PXDC1: variants seen among roughly 807,000 people sequenced by gnomAD.
PXDC1 encodes PX domain containing 1.
PXDC1 carries 13 observed loss-of-function variants against 24.4 expected under a neutral mutation model. The observed-to-expected ratio is 0.53, with a 90% CI of 0.35 to 0.85. The LOEUF (loss-of-function observed/expected upper bound fraction) is 0.85. Among genes scored for constraint, PXDC1 ranks in the 40% least tolerant of loss-of-function variants. The pLI is 0.01. For synonymous variants in PXDC1, 162 were observed against 124.9 expected (o/e 1.30, Z -1.98); for missense variants, 344 against 309.3 (o/e 1.11, Z -0.84).
chr6:3,744,574 G>A (rs1205004273), intron 1 of PXDC1, among the ~76,000 whole-genome samples: 1 of 152,242 alleles, frequency 6.6e-6, no homozygotes, highest in Admixed American at 6.5e-5. Context: ...GCTGAGACCA[G>A]AAAAGGACAA....
chr6:3,737,288 G>C lies in PXDC1; in HGVS notation c.349-92C>G. On this transcript the variant is annotated intron_variant, in intron 2 of 4. Transcript: ENST00000380283. The surrounding 1 kb of genome is among the most constrained non-coding windows in gnomAD (Gnocchi z 5.5). Reference sequence around the variant, plus strand: ...AGAGAGGGCCCCGCTCCTCCGCAGAGGCAGCCTGTGTGATGCAAACGCCCC... The same window carrying C: ...AGAGAGGGCCCCGCTCCTCCGCAGACGCAGCCTGTGTGATGCAAACGCCCC... 1 of 878,154 alleles carries C rather than the reference G, an allele frequency of 1.1e-6. No homozygotes were observed. The highest frequency in any genetic ancestry group is 1.9e-6 in the Non-Finnish European group (1 of 532,526). 54.4% of individuals were successfully genotyped at this position (878,154 alleles called of 1,614,324 possible).
chr6:3,750,354 G>A lies in PXDC1; in HGVS notation c.256+922C>T, dbSNP rs368118122. Among the ~76,000 whole-genome samples the A allele has an allele frequency of 9.2e-5, 14 of 152,322 alleles. No homozygotes were observed. The East Asian group carries it at 1.5e-3, about 17-fold the overall frequency. ...CACTGTCCCAATGTTCCGAGCTACAGGTGGTCACCCATGGAGGGGGGTGGG... is the reference window on the plus strand; with the variant it reads ...CACTGTCCCAATGTTCCGAGCTACAAGTGGTCACCCATGGAGGGGGGTGGG... On this transcript the variant is annotated intron_variant, in intron 1 of 4. Transcript: ENST00000380283.
intron 3 of PXDC1, among the ~76,000 whole-genome samples, chr6:3,730,142 C>A (rs1475344036): frequency 6.6e-6 from 1 of 152,144 alleles, no homozygotes; most frequent in Non-Finnish European, 1.5e-5. Flanking sequence ...TCAGGCCCGG[C>A]CCAGAGAGGG....
chr6:3,732,708 C>T (rs1365574373), intron 3 of PXDC1, among the ~76,000 whole-genome samples: 4 of 152,232 alleles, frequency 2.6e-5, no homozygotes, highest in South Asian at 2.1e-4. Context: ...GTCGCCGCGC[C>T]TGCTAGCGCC....
chr6:3,751,582 CCGCA>C lies in PXDC1; in HGVS notation c.-55_-52del. 2 of 1,448,054 alleles carry C rather than the reference CCGCA, an allele frequency of 1.4e-6. No individual in the cohort carries two copies. The highest frequency in any genetic ancestry group is 1.8e-6 in the Non-Finnish European group (2 of 1,105,004). The allele number at this position is 1,448,054 out of a possible 1,614,324, so 89.7% of individuals were successfully genotyped here. A position where few individuals can be genotyped will look rare whatever the true frequency, so the allele number is the denominator to read the frequency against. ...CTCCCCAGCCCCGCCGCCCGCCCGC[CCGCA>C]GGAGGCGCGCCCCGGCCGGGGTCGT... On this transcript the variant is annotated 5_prime_UTR_variant, in exon 1 of 5. Coordinates refer to ENST00000380283, the MANE Select transcript of PXDC1 (RefSeq NM_183373.4).
rs1226656365 is a variant in PXDC1, at chr6:3,725,109, A to C, written c.579-1373T>G. Among the ~76,000 whole-genome samples, 1 of 152,092 alleles carries C rather than the reference A, an allele frequency of 6.6e-6. No homozygotes were observed. The highest frequency in any genetic ancestry group is 2.4e-5 in the African/African-American group (1 of 41,418). On this transcript the variant is annotated intron_variant, in intron 4 of 4. Transcript: ENST00000380283. The surrounding 1 kb of genome is among the most constrained non-coding windows in gnomAD (Gnocchi z 4.8). ...TCTCCAACTTCATCCAGGGAATGAA[A>C]TCTCTTCCCCAGACCAGGGCTGGAT...
In PXDC1 at chr6:3,738,675, G is replaced by C. The variant is rs573868847; in HGVS notation, c.257-527C>G. ...AAGGAAAAAAGTCAGATCTCTGCCTGGACAAAACCAAAGTGGACACGACTC... is the reference window on the plus strand; with the variant it reads ...AAGGAAAAAAGTCAGATCTCTGCCTCGACAAAACCAAAGTGGACACGACTC... On this transcript the variant is annotated intron_variant, in intron 1 of 4. Transcript: ENST00000380283. 8.3e-5 allele frequency: 65 copies of C among 780,414 alleles called. No homozygotes were observed. The African/African-American group carries it at 1.1e-3, about 13-fold the overall frequency. The allele number at this position is 780,414 out of a possible 1,614,324, so 48.3% of individuals were successfully genotyped here.
chr6:3,751,171 C>A, intron 1 of PXDC1, 105 bp downstream of exon 1: 1 of 911,710 alleles, frequency 1.1e-6, no homozygotes, highest in Non-Finnish European at 1.5e-6. Flanking sequence ...CCAGGGCGGG[C>A]AGAAAGGAGA....
At chr6:3,729,853 C>T (rs1760156156) in intron 3 of PXDC1, among the ~76,000 whole-genome samples, 1 of 152,080 alleles carries the variant, frequency 6.6e-6, no homozygotes, top group Non-Finnish European at 1.5e-5. Flanking sequence ...TGGGTGGTGG[C>T]CTACAAGTTA....
At chr6:3,733,696 C>T (rs980518313) in intron 3 of PXDC1, among the ~76,000 whole-genome samples, 1 of 152,214 alleles carries the variant, frequency 6.6e-6, no homozygotes, top group Non-Finnish European at 1.5e-5. Context: ...GGCCCCCAGA[C>T]TTTGCACTGA....
In PXDC1 at chr6:3,738,129, T is replaced by G; in HGVS notation, c.276A>C (p.Glu92Asp). 2 of 1,614,026 alleles carry G rather than the reference T, an allele frequency of 1.2e-6. No individual in the cohort carries two copies. Among genetic ancestry groups the G allele is most frequent in the Non-Finnish European group, 1.7e-6 (2 of 1,179,906 alleles). The change falls in exon 2 of 5, where the codon GAA becomes GAC. Residue 92 changes from glutamate (E) to aspartate (D), a missense_variant. Transcript: ENST00000380283. The stretch of plus-strand genomic sequence containing the variant: ...TAAGCCTGGTCTCTATGTCGTGGGC[T>G]TCCTTTATGGCAACCAGTCCTAGAA... ...PLRQGLVAIK[E>D]AHDIETRLNE...
chr6:3,733,744 C>A (rs565377785), intron 3 of PXDC1, among the ~76,000 whole-genome samples: 17 of 152,294 alleles, frequency 1.1e-4, no homozygotes, highest in African/African-American at 3.4e-4. Flanking sequence ...TCCATGGTTA[C>A]GCAGCCCCAG....
In PXDC1 at chr6:3,737,627, A is replaced by G. The variant is rs1273976459; in HGVS notation, c.348+430T>C. 1.0e-6 allele frequency: 1 copy of G among 984,436 alleles called. No homozygotes were observed. 61.0% of individuals were successfully genotyped at this position (984,436 alleles called of 1,614,324 possible). On this transcript the variant is annotated intron_variant, in intron 2 of 4. Transcript: ENST00000380283. The surrounding 1 kb of genome is among the most constrained non-coding windows in gnomAD (Gnocchi z 5.5). ...AGCCCGCAGGCTTACATGGAAAGGG[A>G]GTTGACGGTCAAATCCGGGCAACGT...
rs558396118 is a variant in PXDC1, at chr6:3,739,329, G to A, written c.257-1181C>T. ...CATCCCCATAACGGGGGTCAGTGGG[G>A]ATCAGTGGAGGCCAAGAACCTTCTC... On this transcript the variant is annotated intron_variant, in intron 1 of 4. Transcript: ENST00000380283. Among the ~76,000 whole-genome samples, 1,427 of 152,316 alleles carry A rather than the reference G, an allele frequency of 9.4e-3. 29 individuals are homozygous for A. Among genetic ancestry groups the A allele is most frequent in the African/African-American group, 0.033 (1,363 of 41,574 alleles).
In PXDC1 at chr6:3,725,043, T is replaced by C. The variant is rs919929439; in HGVS notation, c.579-1307A>G. Among the ~76,000 whole-genome samples the C allele has an allele frequency of 6.6e-6, 1 of 152,036 alleles. No individual in the cohort carries two copies. Among genetic ancestry groups the C allele is most frequent in the African/African-American group, 2.4e-5 (1 of 41,400 alleles). ...GCCGCGGCACAAAGAGCCCTAGCTG[T>C]GGGTGGGAAAGCTATGGGGGGCTCA... On this transcript the variant is annotated intron_variant, in intron 4 of 4. Transcript: ENST00000380283. The surrounding 1 kb of genome is among the most constrained non-coding windows in gnomAD (Gnocchi z 4.8).
chr6:3,737,600 G>A lies in PXDC1; in HGVS notation c.349-404C>T, dbSNP rs1022930760. 2.1e-6 allele frequency: 2 copies of A among 963,516 alleles called. No homozygotes were observed. The highest frequency in any genetic ancestry group is 4.8e-5 in the South Asian group (1 of 20,888). 59.7% of individuals were successfully genotyped at this position (963,516 alleles called of 1,614,324 possible). On this transcript the variant is annotated intron_variant, in intron 2 of 4. Coordinates refer to ENST00000380283, the MANE Select transcript of PXDC1 (RefSeq NM_183373.4). The surrounding 1 kb of genome is among the most constrained non-coding windows in gnomAD (Gnocchi z 5.5). ...CAGGTTCTTAACCACCACTCACGAC[G>A]AAGCCCGCAGGCTTACATGGAAAGG...
In PXDC1 at chr6:3,725,833, C is replaced by G. The variant is rs1760052406; in HGVS notation, c.578+1718G>C. Among the ~76,000 whole-genome samples, 1 of 152,220 alleles carries G rather than the reference C, an allele frequency of 6.6e-6. No homozygotes were observed. Among genetic ancestry groups the G allele is most frequent in the African/African-American group, 2.4e-5 (1 of 41,456 alleles). ...CCCGGCAAGCCCAAGTCGGAACTCC[C>G]TCCAGATGCTCCCGAGCCCCATGGC... On this transcript the variant is annotated intron_variant, in intron 4 of 4. Coordinates refer to ENST00000380283, the MANE Select transcript of PXDC1 (RefSeq NM_183373.4). This position sits in a 1 kb window ranked among gnomAD's most constrained non-coding sequence, Gnocchi z 4.8.
chr6:3,748,321 T>C (rs892167234), intron 1 of PXDC1, among the ~76,000 whole-genome samples: 7 of 152,026 alleles, frequency 4.6e-5, no homozygotes, highest in African/African-American at 1.7e-4. Context: ...AGAGGGGGCA[T>C]ATCCAATCTG....
intron 3 of PXDC1, among the ~76,000 whole-genome samples, chr6:3,733,761 G>C (rs1349075599): frequency 6.6e-6 from 1 of 152,176 alleles, no homozygotes; most frequent in Non-Finnish European, 1.5e-5. Flanking sequence ...CCAGATGTTA[G>C]AACGTGTTCT....
Sources: gnomAD v4.1 joint callset for allele counts (sites outside exome capture counted in the v4.1 genomes callset) on GRCh38, gnomAD v4.1.1 for gene constraint, Gnocchi (gnomAD v3.1) non-coding constraint, MANE v1.5 for transcripts, NCBI Gene and HGNC (gene_info 2026-07-23, HGNC 2026-07-21) for gene names.